Variants in CSNK1E observed in about 807,000 individuals in gnomAD.
CSNK1E encodes casein kinase I isoform epsilon.
In CSNK1E, 17 loss-of-function variants were observed where a neutral mutation model predicts 46.1. That is an observed-to-expected ratio of 0.37 (90% CI 0.25 to 0.55). The LOEUF is 0.55. Among genes scored for constraint, CSNK1E ranks in the 20% least tolerant of loss-of-function variants. The pLI is 0.82. For missense variants in CSNK1E, 386 were observed against 595.4 expected, an observed-to-expected ratio of 0.65 and a Z score of 3.66; for synonymous variants, 241 against 242.6, an observed-to-expected ratio of 0.99 and a Z score of 0.06.
rs555583032 is a variant in CSNK1E at position 38,309,807 on chromosome 22, G to T, written c.76+4275C>A. On this transcript the variant is annotated intron_variant, in intron 2 of 10. Transcript: ENST00000396832. The surrounding 1 kb of genome is among the most constrained non-coding windows in gnomAD (Gnocchi z 4.8). ...GAAAAACAGACACCAAAGGTCAAAT[G>T]ATCATATGCTACAAACTTCCCAGGG... Among the ~76,000 whole-genome samples the T allele has an allele frequency of 6.6e-6, 1 of 152,274 alleles. No individual in the cohort carries two copies. The highest frequency in any genetic ancestry group is 6.5e-5 in the Admixed American group (1 of 15,294).
chr22:38,317,091 G>A (rs1261561467), intron 1 of CSNK1E, 69 bp downstream of exon 1: 1 of 150,816 alleles, frequency 6.6e-6, no homozygotes, highest in Non-Finnish European at 1.5e-5. Flanking sequence ...CAAAAACAAA[G>A]AGGCTGAGGG....
intron 1 of CSNK1E, among the ~76,000 whole-genome samples, chr22:38,316,064 G>A (rs2092743980): frequency 6.6e-6 from 1 of 152,088 alleles, no homozygotes; most frequent in South Asian, 2.1e-4. Context: ...ATTCAGGAAT[G>A]GAGAGGCTTT....
chr22:38,294,593 A>T lies in CSNK1E; in HGVS notation c.886-59T>A. 1 of 1,482,656 alleles carries T rather than the reference A, an allele frequency of 6.7e-7. No homozygotes were observed. The highest frequency in any genetic ancestry group is 9.0e-7 in the Non-Finnish European group (1 of 1,105,906). 91.8% of individuals were successfully genotyped at this position (1,482,656 alleles called of 1,614,324 possible). A position where few individuals can be genotyped will look rare whatever the true frequency, so the allele number is the denominator to read the frequency against. On this transcript the variant is annotated intron_variant, in intron 7 of 10. Coordinates refer to ENST00000396832, the MANE Select transcript of CSNK1E (RefSeq NM_152221.3). The surrounding 1 kb of genome is among the most constrained non-coding windows in gnomAD (Gnocchi z 5.5). Reference sequence around the variant, plus strand: ...CCAGAGGCCAGGGTGCTCTGGGCCCAGCAGCCCTGCAGGGCACAGAAGGGG... The same window carrying T: ...CCAGAGGCCAGGGTGCTCTGGGCCCTGCAGCCCTGCAGGGCACAGAAGGGG...
rs1285474047 is a variant in CSNK1E at position 38,303,016 on chromosome 22, G to GAC, written c.188-8_188-7insGT. 24 of 1,611,496 alleles carry GAC rather than the reference G, an allele frequency of 1.5e-5. No homozygotes were observed. The highest frequency in any genetic ancestry group is 1.6e-4 in the Middle Eastern group (1 of 6,080). Reference sequence around the variant, plus strand: ...TTGATGGACGGGATCCCCACTGGGGGTCAAGCAGAGGGCCTCTGTCAGGGG... The same window carrying GAC: ...TTGATGGACGGGATCCCCACTGGGGGACTCAAGCAGAGGGCCTCTGTCAGGGG... On this transcript the variant is annotated splice_polypyrimidine_tract_variant and splice_region_variant and intron_variant, in intron 3 of 10. Transcript: ENST00000396832. The surrounding 1 kb of genome is among the most constrained non-coding windows in gnomAD (Gnocchi z 4.7).
chr22:38,312,797 G>A (rs560169711), intron 2 of CSNK1E, among the ~76,000 whole-genome samples: 1 of 152,206 alleles, frequency 6.6e-6, no homozygotes, highest in African/African-American at 2.4e-5. Flanking sequence ...CAGAGGAGCT[G>A]CATGACCTTC....
chr22:38,317,761 C>G (rs2092756211), upstream of CSNK1E, among the ~76,000 whole-genome samples: 1 of 152,120 alleles, frequency 6.6e-6, no homozygotes, highest in Non-Finnish European at 1.5e-5. Flanking sequence ...GTCTCCTCTC[C>G]CCGCCTGCCA....
Position 38,314,126 on chromosome 22 carries a change from A to C in CSNK1E, c.32T>G (p.Leu11Arg). The C allele has an allele frequency of 6.2e-7, 1 of 1,614,054 alleles. No individual in the cohort carries two copies. The highest frequency in any genetic ancestry group is 8.5e-7 in the Non-Finnish European group (1 of 1,179,964). MELRVGNKYR[L>R]GRKIGSGSFG... ...GGACCCGCTCCCGATCTTCCGTCCCAGGCGGTACTTGTTCCCCACACGTAG... is the reference window on the plus strand; with the variant it reads ...GGACCCGCTCCCGATCTTCCGTCCCCGGCGGTACTTGTTCCCCACACGTAG... The change falls in exon 2 of 11, where the codon CTG (leucine) becomes CGG (arginine). Residue 11 changes from leucine to arginine, a missense_variant. By Grantham distance (102) the Leu-to-Arg change is moderately radical. This residue lies in a region of CSNK1E where 212 missense variants were observed against 410.2 expected (regional missense o/e 0.52). Coordinates refer to ENST00000396832, the MANE Select transcript of CSNK1E (RefSeq NM_152221.3).
intron 10 of CSNK1E, 112 bp downstream of exon 10, chr22:38,293,143 T>C (rs939816029): frequency 4.6e-6 from 4 of 865,796 alleles, no homozygotes; most frequent in African/African-American, 3.3e-5. Context: ...CCTGGTACCA[T>C]CTGCCACTGC....
At chr22:38,293,637 C>T (rs998476440) in intron 9 of CSNK1E, among the ~76,000 whole-genome samples, 4 of 152,120 alleles carry the variant, frequency 2.6e-5, no homozygotes, top group Admixed American at 6.5e-5. Context: ...AGGGCTCCCA[C>T]CCACCTCTGC....
At chr22:38,293,047 C>G (rs532266542) in intron 10 of CSNK1E, 69 of 576,958 alleles carry the variant, frequency 1.2e-4, no homozygotes, top group African/African-American at 1.2e-3. Flanking sequence ...CATGAGGGGT[C>G]AGGCCTGAGC....
intron 9 of CSNK1E, chr22:38,293,796 G>A: frequency 2.2e-6 from 1 of 445,812 alleles, no homozygotes; most frequent in Non-Finnish European, 4.0e-6. Flanking sequence ...CTGATGTCAG[G>A]GAGCAGCAAC....
chr22:38,307,883 A>G (rs976589593), intron 2 of CSNK1E, among the ~76,000 whole-genome samples: 1 of 152,178 alleles, frequency 6.6e-6, no homozygotes, highest in Non-Finnish European at 1.5e-5. Flanking sequence ...TTTTGTAGAC[A>G]GGGTTTGCCA....
rs2092655473 is a variant in CSNK1E, at chr22:38,298,812, C to T, written c.859G>A (p.Val287Ile). The change falls in exon 7 of 11, where the codon GTC (valine) becomes ATC (isoleucine). Residue 287 changes from valine (V) to isoleucine (I), a missense_variant. Transcript: ENST00000396832. This position sits in a 1 kb window ranked among gnomAD's most constrained non-coding sequence, Gnocchi z 4.2. The part of the protein sequence containing the change: ...FHRQGFSYDY[V>I]FDWNMLKFGA... ...AATTTCAGCATGTTCCAGTCAAAGA[C>T]GTAGTCATAGGAGAAGCCCTGCCGG... is the stretch of plus-strand genomic sequence containing the variant. The T allele has an allele frequency of 7.4e-6, 12 of 1,614,146 alleles. No homozygotes were observed. The highest frequency in any genetic ancestry group is 2.2e-5 in the East Asian group (1 of 44,880).
intron 2 of CSNK1E, among the ~76,000 whole-genome samples, chr22:38,307,824 G>C (rs961516665): frequency 1.3e-5 from 2 of 152,192 alleles, no homozygotes; most frequent in African/African-American, 4.8e-5. Flanking sequence ...AGCCTCTCGA[G>C]TAGCTGGACT....
rs1329464532 is a variant in CSNK1E, at chr22:38,296,979, G to A, written c.885+1807C>T. ...TAGTAGAAATGGGTTTCACCATGTTGGCCAGGCTGGTCTTAAACTCCTGAC... is the reference window on the plus strand; with the variant it reads ...TAGTAGAAATGGGTTTCACCATGTTAGCCAGGCTGGTCTTAAACTCCTGAC... On this transcript the variant is annotated intron_variant, in intron 7 of 10. Coordinates refer to ENST00000396832, the MANE Select transcript of CSNK1E (RefSeq NM_152221.3). 3 of 630,452 alleles carry A rather than the reference G, an allele frequency of 4.8e-6. No homozygotes were observed. In the African/African-American group the frequency reaches 5.5e-5, roughly 11 times the overall value. The allele number at this position is 630,452 out of a possible 1,614,324, so 39.1% of individuals were successfully genotyped here.
In CSNK1E at chr22:38,303,076, C is replaced by A; in HGVS notation, c.187+62G>T. 6.2e-7 allele frequency: 1 copy of A among 1,600,882 alleles called. No homozygotes were observed. The highest frequency in any genetic ancestry group is 1.1e-5 in the South Asian group (1 of 90,164). On this transcript the variant is annotated intron_variant, in intron 3 of 10. Transcript: ENST00000396832. This position sits in a 1 kb window ranked among gnomAD's most constrained non-coding sequence, Gnocchi z 4.7. ...GGCAGCCAGCCACGCCCGGCCCACC[C>A]TGTGCTCATGGCTGCCCACCGCCAC...
Position 38,300,734 on chromosome 22 carries a change from G to A in CSNK1E, c.555C>T (p.His185=). 1 of 1,614,174 alleles carries A rather than the reference G, an allele frequency of 6.2e-7. No homozygotes were observed. Among genetic ancestry groups the A allele is most frequent in the Non-Finnish European group, 8.5e-7 (1 of 1,180,000 alleles). Residue 185 remains histidine (H), a synonymous_variant, in exon 5 of 11, where the codon CAC becomes CAT. Coordinates refer to ENST00000396832, the MANE Select transcript of CSNK1E (RefSeq NM_152221.3). This position sits in a 1 kb window ranked among gnomAD's most constrained non-coding sequence, Gnocchi z 4.4. The part of the protein sequence containing the change: ...GTARYASINT[H]LGIEQSRRDD... Reference sequence around the variant, plus strand: ...GCCTGGCTCCCTCACCAATGCCCAGGTGCGTGTTGATGGAAGCGTAGCGGG... The same window carrying A: ...GCCTGGCTCCCTCACCAATGCCCAGATGCGTGTTGATGGAAGCGTAGCGGG...
chr22:38,303,122 CCCACCCTGCGCTCACCG>C lies in CSNK1E; in HGVS notation c.186_187+15del. The C allele has an allele frequency of 1.2e-6, 2 of 1,602,392 alleles. No individual in the cohort carries two copies. The highest frequency in any genetic ancestry group is 1.7e-6 in the Non-Finnish European group (2 of 1,175,406). ...GCCACCCACCCGGCGCCCGCCGCCG[CCCACCCTGCGCTCACCG>C]CCACCCTGCATCATCTTGTAGAACT... On this transcript the variant is annotated splice_donor_variant and splice_donor_5th_base_variant and coding_sequence_variant and intron_variant, in exon 3 of 11. Coordinates refer to ENST00000396832, the MANE Select transcript of CSNK1E (RefSeq NM_152221.3). LOFTEE classifies it high-confidence loss of function. The surrounding 1 kb of genome is among the most constrained non-coding windows in gnomAD (Gnocchi z 4.7).
At chr22:38,302,413 C>T (rs996867094) in intron 4 of CSNK1E, among the ~76,000 whole-genome samples, 6 of 152,236 alleles carry the variant, frequency 3.9e-5, no homozygotes, top group Admixed American at 3.3e-4. Flanking sequence ...CAGGCCCTGA[C>T]TCGGCAGGTC....
Sources: allele counts gnomAD v4.1 joint callset (sites outside exome capture counted in the v4.1 genomes callset), GRCh38; gene constraint gnomAD v4.1.1; regional missense constraint gnomAD v4.1.1; non-coding constraint Gnocchi (gnomAD v3.1); transcripts MANE v1.5; gene names NCBI Gene and HGNC (gene_info 2026-07-23, HGNC 2026-07-21).